The following SLC38A1 variants were observed in gnomAD, a reference collection of about 807,000 sequenced individuals.
SLC38A1 encodes sodium-coupled neutral amino acid symporter 1.
Under a neutral mutation model 60.3 loss-of-function variants are expected in SLC38A1, and 18 were observed. The observed-to-expected ratio is 0.30, with a 90% confidence interval of 0.21 to 0.44. The LOEUF (loss-of-function observed/expected upper bound fraction) is 0.44. Ranked by LOEUF, SLC38A1 falls within the 20% of genes least tolerant of loss-of-function variation. The probability of loss-of-function intolerance (pLI) is 1.00; values close to 1 mark genes in which losing one functional copy is unlikely to be tolerated. For missense variants in SLC38A1, 448 were observed against 587.2 expected (o/e 0.76, Z 2.45); for synonymous variants, 196 against 212.1 (o/e 0.92, Z 0.66).
chr12:46,241,965 T>G (rs1234789011), intron 2 of SLC38A1, among the ~76,000 whole-genome samples: 1 of 152,286 alleles, frequency 6.6e-6, no homozygotes, highest in East Asian at 1.9e-4. Flanking sequence ...TTTTCTGCGG[T>G]AAGAAAGGAT....
chr12:46,219,783 G>C (rs566890432), intron 5 of SLC38A1, among the ~76,000 whole-genome samples: 6 of 152,332 alleles, frequency 3.9e-5, no homozygotes, highest in African/African-American at 9.6e-5. Context: ...AAATAATGCT[G>C]TAAAACCATA....
At chr12:46,204,739 TAAAC>T (rs918586195) in intron 9 of SLC38A1, 149 bp from the exon 10 acceptor site, 19 of 614,726 alleles carry the variant, frequency 3.1e-5, no homozygotes, top group African/African-American at 2.6e-4. Flanking sequence ...GATCCAATAA[TAAAC>T]ATACATGCCC....
intron 5 of SLC38A1, among the ~76,000 whole-genome samples, chr12:46,221,948 CAG>C (rs1940676678): frequency 6.6e-6 from 1 of 152,076 alleles, no homozygotes; most frequent in Non-Finnish European, 1.5e-5. Flanking sequence ...AGAGATGAGA[CAG>C]GGTACGGGTG....
rs964690717 is a variant in SLC38A1 at position 46,185,849 on chromosome 12, T to A, written c.*3121A>T. ...TCCTCCCCGTTTTTACTGGACACCATGTTTCAGGCCAATCTGGTCACCTGT... is the reference window on the plus strand; with the variant it reads ...TCCTCCCCGTTTTTACTGGACACCAAGTTTCAGGCCAATCTGGTCACCTGT... On this transcript the variant is annotated 3_prime_UTR_variant, in exon 17 of 17. Coordinates refer to ENST00000398637, the MANE Select transcript of SLC38A1 (RefSeq NM_030674.4). 4 of 152,186 alleles carry A rather than the reference T, an allele frequency of 2.6e-5. No individual in the cohort carries two copies. The highest frequency in any genetic ancestry group is 9.7e-5 in the African/African-American group (4 of 41,410). The allele number at this position is 152,186 out of a possible 1,614,324, so 9.4% of individuals were successfully genotyped here. A position where few individuals can be genotyped will look rare whatever the true frequency, so the allele number is the denominator to read the frequency against.
chr12:46,196,665 T>G (rs1005563954), intron 16 of SLC38A1, among the ~76,000 whole-genome samples: 1 of 152,150 alleles, frequency 6.6e-6, no homozygotes, highest in Non-Finnish European at 1.5e-5. Flanking sequence ...ATGACCCTCC[T>G]GCCTACACCT....
intron 1 of SLC38A1, among the ~76,000 whole-genome samples, chr12:46,246,698 GCCT>G (rs1354005199): frequency 6.6e-6 from 1 of 152,216 alleles, no homozygotes; most frequent in Non-Finnish European, 1.5e-5. Context: ...CAGACAGACT[GCCT>G]CCTCAAGTGG....
rs773524925 is a variant in SLC38A1 at position 46,197,908 on chromosome 12, T to A, written c.1264+11A>T. 1.2e-6 allele frequency: 2 copies of A among 1,613,664 alleles called. No individual in the cohort carries two copies. Among genetic ancestry groups the A allele is most frequent in the Non-Finnish European group, 1.7e-6 (2 of 1,179,870 alleles). Reference sequence around the variant, plus strand: ...CTGTAGAATGACAAGCACAAAGTCATGAAGCCATACCTACGACTCCAAAAA... The same window carrying A: ...CTGTAGAATGACAAGCACAAAGTCAAGAAGCCATACCTACGACTCCAAAAA... On this transcript the variant is annotated intron_variant, in intron 15 of 16. Coordinates refer to ENST00000398637, the MANE Select transcript of SLC38A1 (RefSeq NM_030674.4).
intron 7 of SLC38A1, 145 bp from the exon 8 acceptor site, chr12:46,207,381 A>G: frequency 9.6e-7 from 1 of 1,041,324 alleles, no homozygotes. Context: ...TTGTGGCTTT[A>G]AATAAGTGAC....
Position 46,184,070 on chromosome 12 carries a change from C to T in SLC38A1, c.*4900G>A, listed in dbSNP as rs116732824. ...GCTGCATAGATTCTTCCTTTAAAAA[C>T]GTAAATTTGAGCCTGTATACAGATG... On this transcript the variant is annotated 3_prime_UTR_variant, in exon 17 of 17. Transcript: ENST00000398637. The T allele has an allele frequency of 3.5e-3, 533 of 152,676 alleles. 2 individuals carry two copies. The highest frequency in any genetic ancestry group is 0.012 in the African/African-American group (494 of 41,532). 9.5% of individuals were successfully genotyped at this position (152,676 alleles called of 1,614,324 possible). A position where few individuals can be genotyped will look rare whatever the true frequency, so the allele number is the denominator to read the frequency against.
intron 3 of SLC38A1, among the ~76,000 whole-genome samples, chr12:46,238,410 C>G (rs1025473106): frequency 2.0e-5 from 3 of 152,188 alleles, no homozygotes; most frequent in Admixed American, 1.3e-4. Context: ...TAATCACATA[C>G]TTTATCAGAA....
At chr12:46,243,095 TA>T (rs1386022905) in intron 2 of SLC38A1, 104 bp downstream of exon 2, 2 of 151,410 alleles carry the variant, frequency 1.3e-5, no homozygotes, top group Non-Finnish European at 2.9e-5. Context: ...ACTAATTTAT[TA>T]AAAAATAAAT....
chr12:46,187,417 G>A lies in SLC38A1; in HGVS notation c.*1553C>T, dbSNP rs1338856891. On this transcript the variant is annotated 3_prime_UTR_variant, in exon 17 of 17. Coordinates refer to ENST00000398637, the MANE Select transcript of SLC38A1 (RefSeq NM_030674.4). ...GTCCTGTTTCAAGAGACCAGCTCAC[G>A]GAGCATGCACATTTCTCACCATAGG... is the stretch of plus-strand genomic sequence containing the variant. 1.3e-5 allele frequency: 2 copies of A among 152,336 alleles called. No individual in the cohort carries two copies. The highest frequency in any genetic ancestry group is 1.9e-4 in the East Asian group (1 of 5,188). 9.4% of individuals were successfully genotyped at this position (152,336 alleles called of 1,614,324 possible). A position where few individuals can be genotyped will look rare whatever the true frequency, so the allele number is the denominator to read the frequency against.
chr12:46,217,002 T>C (rs1262993720), intron 5 of SLC38A1, among the ~76,000 whole-genome samples: 1 of 152,206 alleles, frequency 6.6e-6, no homozygotes, highest in Non-Finnish European at 1.5e-5. Flanking sequence ...TGATCTTTTA[T>C]ATGAAAATGG....
intron 1 of SLC38A1, among the ~76,000 whole-genome samples, chr12:46,250,031 C>CA (rs1170278964): frequency 2.0e-5 from 3 of 151,870 alleles, no homozygotes; most frequent in Admixed American, 2.0e-4. Context: ...AGACACACAA[C>CA]AAAAAAAGAG....
chr12:46,200,487 C>G (rs1056077335), intron 13 of SLC38A1, among the ~76,000 whole-genome samples: 1 of 151,720 alleles, frequency 6.6e-6, no homozygotes, highest in African/African-American at 2.4e-5. Context: ...GATATTAAAT[C>G]AAGCTTCAGG....
intron 1 of SLC38A1, among the ~76,000 whole-genome samples, chr12:46,251,165 G>A (rs1162621364): frequency 6.6e-6 from 1 of 152,178 alleles, no homozygotes; most frequent in Non-Finnish European, 1.5e-5. Flanking sequence ...CAATGGAACA[G>A]AACAGAGGCC....
At position 46,186,473 on chromosome 12, in the gene SLC38A1, A is replaced by G. The variant is rs528339270; in HGVS notation, c.*2497T>C. The G allele has an allele frequency of 6.6e-6, 1 of 152,334 alleles. No individual in the cohort carries two copies. The highest frequency in any genetic ancestry group is 2.1e-4 in the South Asian group (1 of 4,830). The allele number at this position is 152,334 out of a possible 1,614,324, so 9.4% of individuals were successfully genotyped here. On this transcript the variant is annotated 3_prime_UTR_variant, in exon 17 of 17. Coordinates refer to ENST00000398637, the MANE Select transcript of SLC38A1 (RefSeq NM_030674.4). Reference sequence around the variant, plus strand: ...CTGTGCTGTTTAAATTCGACCTAACATCTGTGATACATGTATTTTTGGCTA... The same window carrying G: ...CTGTGCTGTTTAAATTCGACCTAACGTCTGTGATACATGTATTTTTGGCTA...
chr12:46,254,503 G>T (rs923546708), intron 1 of SLC38A1, among the ~76,000 whole-genome samples: 1 of 152,114 alleles, frequency 6.6e-6, no homozygotes, highest in Non-Finnish European at 1.5e-5. Flanking sequence ...ATGGAACTCT[G>T]CTCCATAGAA....
intron 5 of SLC38A1, among the ~76,000 whole-genome samples, chr12:46,223,480 C>G (rs939170585): frequency 7.0e-6 from 1 of 142,328 alleles, no homozygotes; most frequent in Non-Finnish European, 1.5e-5. Context: ...ACACACACAC[C>G]CCACTCATTT....
Sources: allele counts gnomAD v4.1 joint callset (sites outside exome capture counted in the v4.1 genomes callset), GRCh38; gene constraint gnomAD v4.1.1; transcripts MANE v1.5; gene names NCBI Gene and HGNC (gene_info 2026-07-23, HGNC 2026-07-21).